OR1J1: variants seen among roughly 807,000 people sequenced by gnomAD.
The protein encoded by OR1J1 is olfactory receptor 1J1.
For missense variants in OR1J1, 392 were observed against 393.9 expected, an observed-to-expected ratio of 1.00 and a Z score of 0.04; for synonymous variants, 165 against 157.2, an observed-to-expected ratio of 1.05 and a Z score of -0.37.
In OR1J1 at chr9:122,477,517, G is replaced by C. The variant is rs73567906; in HGVS notation, c.410C>G (p.Thr137Ser). The change falls in exon 1 of 1, where the codon ACT (threonine) becomes AGT (serine). Residue 137 changes from threonine (T) to serine (S), a missense_variant. Physicochemically the swap from Thr to Ser is moderately conservative, Grantham distance 58. Coordinates refer to ENST00000259357, the MANE Select transcript of OR1J1 (RefSeq NM_001004451.1). ...CHPLHYATIM[T>S]QSQCVMLVAG... ...CACCAGCATGACACACTGGCTCTGAGTCATGATGGTGGCATAATGTAGAGG... is the reference window on the plus strand; with the variant it reads ...CACCAGCATGACACACTGGCTCTGACTCATGATGGTGGCATAATGTAGAGG... The C allele has an allele frequency of 0.017, 26,643 of 1,614,152 alleles. 382 individuals carry two copies. The highest frequency in any genetic ancestry group is 0.072 in the East Asian group (3,221 of 44,864).
At position 122,477,647 on chromosome 9, in the gene OR1J1, A is replaced by G. The variant is rs749969766; in HGVS notation, c.280T>C (p.Tyr94His). Residue 94 changes from tyrosine (Y) to histidine (H), a missense_variant, in exon 1 of 1, where the codon TAC (tyrosine) becomes CAC (histidine). Coordinates refer to ENST00000259357, the MANE Select transcript of OR1J1 (RefSeq NM_001004451.1). ...TATGTCTGTGAAATGCATCCCTTGT[A>G]AAAGACGGCTAGGTGCTGAGTCTGC... ...NMQTQHLAVF[Y>H]KGCISQTYFF... The G allele has an allele frequency of 6.2e-7, 1 of 1,614,238 alleles. No individual in the cohort carries two copies. Among genetic ancestry groups the G allele is most frequent in the Non-Finnish European group, 8.5e-7 (1 of 1,180,040 alleles).
In OR1J1 at chr9:122,477,605, C is replaced by CA. The variant is rs761882606; in HGVS notation, c.321dup (p.Ala108CysfsTer2). 2.4e-5 allele frequency: 39 copies of CA among 1,613,938 alleles called. No homozygotes were observed. The Middle Eastern group carries it at 1.2e-3, about 48-fold the overall frequency. ...GTGATAAGGAAACTGTCTAAGTCAG[C>CA]AAAAAATATGAAAAAATATGTCTGT... On this transcript the variant is annotated frameshift_variant, in exon 1 of 1. Coordinates refer to ENST00000259357, the MANE Select transcript of OR1J1 (RefSeq NM_001004451.1). LOFTEE classifies it low-confidence loss of function (END_TRUNC).
In OR1J1 at chr9:122,477,884, G is replaced by A. The variant is rs1030677857; in HGVS notation, c.43C>T (p.Leu15=). 3 of 1,611,624 alleles carry A rather than the reference G, an allele frequency of 1.9e-6. No individual in the cohort carries two copies. The highest frequency in any genetic ancestry group is 2.7e-5 in the African/African-American group (2 of 74,852). ...TGCTCTGGCCGGATGGGGAGGCCCA[G>A]GAGGAGGAACTCGGACACGCTGCTC... The part of the protein sequence containing the change: ...NQSSVSEFLL[L]GLPIRPEQQA... Residue 15 remains leucine, a synonymous_variant, in exon 1 of 1, where the codon CTG becomes TTG. Coordinates refer to ENST00000259357, the MANE Select transcript of OR1J1 (RefSeq NM_001004451.1).
rs756742454 is a variant in OR1J1, at chr9:122,477,506, A to T, written c.421T>A (p.Cys141Ser). The change falls in exon 1 of 1, where the codon TGT becomes AGT. Residue 141 changes from cysteine to serine, a missense_variant. Physicochemically the swap from Cys to Ser is moderately radical, Grantham distance 112. Coordinates refer to ENST00000259357, the MANE Select transcript of OR1J1 (RefSeq NM_001004451.1). Reference protein sequence around the residue: ...HYATIMTQSQCVMLVAGSWVI... With the variant: ...HYATIMTQSQSVMLVAGSWVI... ...CAGGACCCAGCCACCAGCATGACACACTGGCTCTGAGTCATGATGGTGGCA... is the reference window on the plus strand; with the variant it reads ...CAGGACCCAGCCACCAGCATGACACTCTGGCTCTGAGTCATGATGGTGGCA... 11 of 1,614,192 alleles carry T rather than the reference A, an allele frequency of 6.8e-6. No individual in the cohort carries two copies. Among genetic ancestry groups the T allele is most frequent in the Non-Finnish European group, 8.5e-6 (10 of 1,180,016 alleles).
At position 122,477,659 on chromosome 9, in the gene OR1J1, G is replaced by A. The variant is rs1839588936; in HGVS notation, c.268C>T (p.Leu90=). Residue 90 remains leucine, a synonymous_variant, in exon 1 of 1, where the codon CTA becomes TTA. Coordinates refer to ENST00000259357, the MANE Select transcript of OR1J1 (RefSeq NM_001004451.1). ...KMLMNMQTQH[L]AVFYKGCISQ... ...ATGCATCCCTTGTAAAAGACGGCTA[G>A]GTGCTGAGTCTGCATGTTCATCAGC... The A allele has an allele frequency of 1.2e-6, 2 of 1,614,124 alleles. No individual in the cohort carries two copies. Among genetic ancestry groups the A allele is most frequent in the Admixed American group, 1.7e-5 (1 of 60,004 alleles).
In OR1J1 at chr9:122,477,358, G is replaced by C. The variant is rs776873228; in HGVS notation, c.569C>G (p.Ser190Ter). 10 of 1,613,966 alleles carry C rather than the reference G, an allele frequency of 6.2e-6. No individual in the cohort carries two copies. Among genetic ancestry groups the C allele is most frequent in the Non-Finnish European group, 8.5e-6 (10 of 1,179,948 alleles). ...TGCTAACTGATTGAGGGAGGTGTCT[G>C]AGCAGGACAACTTGAGCAGGGCACC... ...DLGALLKLSC[S>*]DTSLNQLAIF... is the part of the protein sequence containing the mutation. Residue 190 changes from serine to a stop codon, truncating the protein, a stop_gained, in exon 1 of 1, where the codon TCA becomes TGA. Coordinates refer to ENST00000259357, the MANE Select transcript of OR1J1 (RefSeq NM_001004451.1). LOFTEE classifies it low-confidence loss of function (END_TRUNC).
At position 122,477,653 on chromosome 9, in the gene OR1J1, C is replaced by T. The variant is rs373376555; in HGVS notation, c.274G>A (p.Val92Ile). ...TGTGAAATGCATCCCTTGTAAAAGACGGCTAGGTGCTGAGTCTGCATGTTC... is the reference window on the plus strand; with the variant it reads ...TGTGAAATGCATCCCTTGTAAAAGATGGCTAGGTGCTGAGTCTGCATGTTC... ...LMNMQTQHLA[V>I]FYKGCISQTY... is the part of the protein sequence containing the mutation. The change falls in exon 1 of 1, where the codon GTC (valine) becomes ATC (isoleucine). Residue 92 changes from valine (V) to isoleucine (I), a missense_variant. Physicochemically the swap from Val to Ile is conservative, Grantham distance 29. Transcript: ENST00000259357. 42 of 1,614,038 alleles carry T rather than the reference C, an allele frequency of 2.6e-5. No homozygotes were observed. The highest frequency in any genetic ancestry group is 1.6e-4 in the Middle Eastern group (1 of 6,082).
rs779633705 is a variant in OR1J1, at chr9:122,477,112, A to G, written c.815T>C (p.Ile272Thr). 8.7e-6 allele frequency: 14 copies of G among 1,613,798 alleles called. No homozygotes were observed. The highest frequency in any genetic ancestry group is 1.2e-5 in the Non-Finnish European group (14 of 1,179,796). ...PPSSNTNDKNIIASVIYTAVT... is the reference protein window; with the variant it reads ...PPSSNTNDKNTIASVIYTAVT... ...TGCTGTGTATATCACTGAAGCAATT[A>G]TGTTCTTGTCATTGGTGTTGCTGGA... is the stretch of plus-strand genomic sequence containing the variant. The change falls in exon 1 of 1, where the codon ATA becomes ACA. Residue 272 changes from isoleucine to threonine, a missense_variant. Ile to Thr is a moderately conservative substitution (Grantham distance 89). Transcript: ENST00000259357.
Position 122,477,616 on chromosome 9 carries a change from A to C in OR1J1, c.311T>G (p.Phe104Cys), listed in dbSNP as rs775571408. The change falls in exon 1 of 1, where the codon TTC (phenylalanine) becomes TGC (cysteine). Residue 104 changes from phenylalanine to cysteine, a missense_variant. By Grantham distance (205) the Phe-to-Cys change is radical. Coordinates refer to ENST00000259357, the MANE Select transcript of OR1J1 (RefSeq NM_001004451.1). ...YKGCISQTYF[F>C]IFFADLDSFL... ...ACTGTCTAAGTCAGCAAAAAATATG[A>C]AAAAATATGTCTGTGAAATGCATCC... The C allele has an allele frequency of 3.6e-5, 58 of 1,614,088 alleles. 1 individual carries two copies. The South Asian group carries it at 5.8e-4, about 16-fold the overall frequency.
Position 122,477,041 on chromosome 9 carries a change from C to T in OR1J1, c.886G>A (p.Asp296Asn), listed in dbSNP as rs1394415346. 3.7e-6 allele frequency: 6 copies of T among 1,613,900 alleles called. No individual in the cohort carries two copies. Among genetic ancestry groups the T allele is most frequent in the Non-Finnish European group, 5.1e-6 (6 of 1,179,928 alleles). Residue 296 changes from aspartate (D) to asparagine (N), a missense_variant, in exon 1 of 1, where the codon GAC becomes AAC. By Grantham distance (23) the Asp-to-Asn change is conservative. Coordinates refer to ENST00000259357, the MANE Select transcript of OR1J1 (RefSeq NM_001004451.1). ...NPFIYSLRNK[D>N]IKGALRKLLS... ...AGTTTTCTTAGGGCTCCCTTAATGTCTTTATTTCTCAGACTGTAAATGAAT... is the reference window on the plus strand; with the variant it reads ...AGTTTTCTTAGGGCTCCCTTAATGTTTTTATTTCTCAGACTGTAAATGAAT...
chr9:122,477,160 A>G lies in OR1J1; in HGVS notation c.767T>C (p.Ile256Thr). 1 of 1,614,204 alleles carries G rather than the reference A, an allele frequency of 6.2e-7. No homozygotes were observed. Among genetic ancestry groups the G allele is most frequent in the Non-Finnish European group, 8.5e-7 (1 of 1,180,024 alleles). The change falls in exon 1 of 1, where the codon ATT becomes ACT. Residue 256 changes from isoleucine to threonine, a missense_variant. Ile to Thr is a moderately conservative substitution (Grantham distance 89). Coordinates refer to ENST00000259357, the MANE Select transcript of OR1J1 (RefSeq NM_001004451.1). The stretch of plus-strand genomic sequence containing the variant: ...GGATGGGGGAAGAAAATAGAGACCA[A>G]TAATTGTCCGATAATAGATAGTCAC... ...SVVTIYYRTI[I>T]GLYFLPPSSN...
rs780552150 is a variant in OR1J1, at chr9:122,477,432, C to A, written c.495G>T (p.Gln165His). The change falls in exon 1 of 1, where the codon CAG (glutamine) becomes CAT (histidine). Residue 165 changes from glutamine (Q) to histidine (H), a missense_variant. Gln to His is a conservative substitution (Grantham distance 24). Transcript: ENST00000259357. ...CALLHTLLLA[Q>H]LSFCADHIIP... ...TGATGTGGTCAGCACAGAAGGAAAG[C>A]TGGGCCAGGAGGAGGGTATGCAAAA... 1.9e-6 allele frequency: 3 copies of A among 1,613,954 alleles called. No individual in the cohort carries two copies. The Admixed American group carries it at 5.0e-5, about 27-fold the overall frequency.
At position 122,477,106 on chromosome 9, in the gene OR1J1, G is replaced by C. The variant is rs778665054; in HGVS notation, c.821C>G (p.Ala274Gly). 1 of 1,613,704 alleles carries C rather than the reference G, an allele frequency of 6.2e-7. No homozygotes were observed. Residue 274 changes from alanine (A) to glycine (G), a missense_variant, in exon 1 of 1, where the codon GCT becomes GGT. By Grantham distance (60) the Ala-to-Gly change is moderately conservative. Transcript: ENST00000259357. ...SSNTNDKNII[A>G]SVIYTAVTPM... is the part of the protein sequence containing the mutation. ...AGTGACTGCTGTGTATATCACTGAA[G>C]CAATTATGTTCTTGTCATTGGTGTT...
Position 122,477,719 on chromosome 9 carries a change from CAGTG to C in OR1J1, c.204_207del (p.Asp70SerfsTer12). 1 of 1,614,136 alleles carries C rather than the reference CAGTG, an allele frequency of 6.2e-7. No individual in the cohort carries two copies. Among genetic ancestry groups the C allele is most frequent in the Non-Finnish European group, 8.5e-7 (1 of 1,180,036 alleles). On this transcript the variant is annotated frameshift_variant, in exon 1 of 1. Transcript: ENST00000259357. LOFTEE classifies it low-confidence loss of function (END_TRUNC). ...ACAGTGACAGATGAAAAGGAGATGT[CAGTG>C]AGGGCCAAGTGGCTAAGGAAGAAGT...
rs751441346 is a variant in OR1J1, at chr9:122,477,298, G to T, written c.629C>A (p.Pro210Gln). The T allele has an allele frequency of 3.7e-6, 6 of 1,614,052 alleles. No homozygotes were observed. Residue 210 changes from proline to glutamine, a missense_variant, in exon 1 of 1, where the codon CCA becomes CAA. Transcript: ENST00000259357. Reference protein sequence around the residue: ...FTAALTAIMLPFLCILVSYGH... With the variant: ...FTAALTAIMLQFLCILVSYGH... ...ATAAGAAACCAGGATGCACAGGAAT[G>T]GAAGCATAATGGCTGTCAATGCTGC...
chr9:122,477,102 T>C lies in OR1J1; in HGVS notation c.825A>G (p.Ser275=), dbSNP rs1588173250. Residue 275 remains serine (S), a synonymous_variant, in exon 1 of 1, where the codon TCA becomes TCG. Coordinates refer to ENST00000259357, the MANE Select transcript of OR1J1 (RefSeq NM_001004451.1). ...TGGGAGTGACTGCTGTGTATATCAC[T>C]GAAGCAATTATGTTCTTGTCATTGG... The part of the protein sequence containing the change: ...SNTNDKNIIA[S]VIYTAVTPML... 1.9e-6 allele frequency: 3 copies of C among 1,613,840 alleles called. No individual in the cohort carries two copies. The East Asian group carries it at 6.7e-5, about 36-fold the overall frequency.
Position 122,477,726 on chromosome 9 carries a change from G to A in OR1J1, c.201C>T (p.Ala67=), listed in dbSNP as rs1795101522. The A allele has an allele frequency of 6.2e-7, 1 of 1,614,162 alleles. No homozygotes were observed. Among genetic ancestry groups the A allele is most frequent in the African/African-American group, 1.3e-5 (1 of 75,054 alleles). The change falls in exon 1 of 1, where the codon GCC becomes GCT. Residue 67 remains alanine, a synonymous_variant. Transcript: ENST00000259357. ...TPMYFFLSHL[A]LTDISFSSVT... is the part of the protein sequence containing the mutation. The stretch of plus-strand genomic sequence containing the variant: ...CAGATGAAAAGGAGATGTCAGTGAG[G>A]GCCAAGTGGCTAAGGAAGAAGTACA...
rs1267192918 is a variant in OR1J1, at chr9:122,477,419, C to G, written c.508G>C (p.Ala170Pro). The G allele has an allele frequency of 1.2e-6, 2 of 1,613,954 alleles. No homozygotes were observed. The highest frequency in any genetic ancestry group is 3.3e-5 in the Admixed American group (2 of 59,974). The change falls in exon 1 of 1, where the codon GCT becomes CCT. Residue 170 changes from alanine to proline, a missense_variant. Coordinates refer to ENST00000259357, the MANE Select transcript of OR1J1 (RefSeq NM_001004451.1). Reference protein sequence around the residue: ...TLLLAQLSFCADHIIPHYFCD... With the variant: ...TLLLAQLSFCPDHIIPHYFCD... ...AAGTAGTGAGGGATGATGTGGTCAG[C>G]ACAGAAGGAAAGCTGGGCCAGGAGG... is the stretch of plus-strand genomic sequence containing the variant.
Position 122,477,702 on chromosome 9 carries a change from A to C in OR1J1, c.225T>G (p.Ser75=). The change falls in exon 1 of 1, where the codon TCT becomes TCG. Residue 75 remains serine (S), a synonymous_variant. Transcript: ENST00000259357. ...TCATCAGCATCTTAGGGACAGTGAC[A>C]GATGAAAAGGAGATGTCAGTGAGGG... ...HLALTDISFS[S]VTVPKMLMNM... is the part of the protein sequence containing the mutation. 4.3e-6 allele frequency: 7 copies of C among 1,614,212 alleles called. No individual in the cohort carries two copies. The highest frequency in any genetic ancestry group is 5.9e-6 in the Non-Finnish European group (7 of 1,180,026).
Sources: gnomAD v4.1 joint callset for allele counts on GRCh38, gnomAD v4.1.1 for gene constraint, MANE v1.5 for transcripts, NCBI Gene and HGNC (gene_info 2026-07-23, HGNC 2026-07-21) for gene names.